The following TMC6 variants were observed in gnomAD, a reference collection of about 807,000 sequenced individuals.
TMC6 encodes the protein transmembrane channel-like protein 6.
In TMC6, 71 loss-of-function variants were observed where a neutral mutation model predicts 95.4. The ratio of observed to expected loss-of-function variants is 0.74; its 90% CI spans 0.61 to 0.91. The LOEUF is 0.91. TMC6 is among the 40% of genes least tolerant of loss of function. The pLI is 0.00. For missense variants in TMC6, 1,074 were observed against 1,079.1 expected, an observed-to-expected ratio of 1.00 and a Z score of 0.07; for synonymous variants, 514 against 483.1, an observed-to-expected ratio of 1.06 and a Z score of -0.84.
upstream of TMC6, chr17:78,131,703 C>A: frequency 6.3e-7 from 1 of 1,582,028 alleles, no homozygotes; most frequent in East Asian, 2.3e-5. Flanking sequence ...CGTGCGCGGG[C>A]TGCCCTATGC....
In TMC6 at chr17:78,117,880, A is replaced by G. The variant is rs745583859; in HGVS notation, c.1943T>C (p.Met648Thr). The G allele has an allele frequency of 1.2e-6, 2 of 1,607,380 alleles. No homozygotes were observed. Among genetic ancestry groups the G allele is most frequent in the Admixed American group, 3.4e-5 (2 of 59,086 alleles). Residue 648 changes from methionine (M) to threonine (T), a missense_variant, in exon 16 of 20, where the codon ATG becomes ACG. Physicochemically the swap from Met to Thr is moderately conservative, Grantham distance 81. Coordinates refer to ENST00000590602, the MANE Select transcript of TMC6 (RefSeq NM_001127198.5). ...APRRPWLASH[M>T]STVFLTLLCF... ...GAGCAGCGTGAGGAAGACGGTGCTC[A>G]TGTGTGAGGCCAGCCAGGGCCGGCG... is the stretch of plus-strand genomic sequence containing the variant.
rs1313257823 is a variant in TMC6 at position 78,128,714 on chromosome 17, G to A, written c.-177C>T. On this transcript the variant is annotated 5_prime_UTR_variant, in exon 1 of 20. Coordinates refer to ENST00000590602, the MANE Select transcript of TMC6 (RefSeq NM_001127198.5). This position sits in a 1 kb window ranked among gnomAD's most constrained non-coding sequence, Gnocchi z 4.0. ...GGTCTCGGCTCTCCTTGCCAAGGGA[G>A]TGGCAAAGGGCCCCAGGGGCGACTG... is the stretch of plus-strand genomic sequence containing the variant. The A allele has an allele frequency of 7.2e-6, 1 of 138,426 alleles. No individual in the cohort carries two copies. The highest frequency in any genetic ancestry group is 2.1e-4 in the East Asian group (1 of 4,826). The allele number at this position is 138,426 out of a possible 1,614,324, so 8.6% of individuals were successfully genotyped here.
Position 78,117,397 on chromosome 17 carries a change from G to T in TMC6, c.2199-50C>A, listed in dbSNP as rs781595672. On this transcript the variant is annotated intron_variant, in intron 17 of 19. Transcript: ENST00000590602. ...GGGCCCAGGGCCACAGCCCGGGAGC[G>T]GCCAGTCCCCACACGGTGCAGGCCC... is the stretch of plus-strand genomic sequence containing the variant. 5.0e-6 allele frequency: 8 copies of T among 1,612,172 alleles called. No homozygotes were observed. In the African/African-American group the frequency reaches 5.3e-5, roughly 11 times the overall value.
intron 18 of TMC6, among the ~76,000 whole-genome samples, chr17:78,115,466 C>G (rs543737473): frequency 6.6e-6 from 1 of 152,140 alleles, no homozygotes; most frequent in Non-Finnish European, 1.5e-5. Flanking sequence ...GGACGCAAGC[C>G]TGGAAAAGCC....
In TMC6 at chr17:78,122,345, G is replaced by C. The variant is rs534332165; in HGVS notation, c.1227+260C>G. Among the ~76,000 whole-genome samples, 2 of 152,024 alleles carry C rather than the reference G, an allele frequency of 1.3e-5. No individual in the cohort carries two copies. On this transcript the variant is annotated intron_variant, in intron 10 of 19. Transcript: ENST00000590602. The surrounding 1 kb of genome is among the most constrained non-coding windows in gnomAD (Gnocchi z 4.9). ...CTGAGGCCTCAGGGCTGGCTCCCGG[G>C]TGCCCACGGGGCCATGGCGCTACTA...
In TMC6 at chr17:78,112,653, G is replaced by A. The variant is rs548546832; in HGVS notation, c.*495C>T. The A allele has an allele frequency of 4.0e-4, 73 of 184,746 alleles. No individual in the cohort carries two copies. Among genetic ancestry groups the A allele is most frequent in the South Asian group, 1.1e-3 (11 of 10,054 alleles). The allele number at this position is 184,746 out of a possible 1,614,324, so 11.4% of individuals were successfully genotyped here. A position where few individuals can be genotyped will look rare whatever the true frequency, so the allele number is the denominator to read the frequency against. ...GCTACAGCATCACCCAATGGTTGAC[G>A]CATCGCTCTGGTCACAATCCGTGCC... is the stretch of plus-strand genomic sequence containing the variant. On this transcript the variant is annotated 3_prime_UTR_variant, in exon 20 of 20. Transcript: ENST00000590602.
At chr17:78,126,033 G>A (rs767913212) in intron 4 of TMC6, 149 bp from the exon 5 acceptor site, 46 of 1,254,544 alleles carry the variant, frequency 3.7e-5, no homozygotes, top group Non-Finnish European at 4.7e-5. Context: ...ACTGCATTCC[G>A]AAAGCCTATT....
chr17:78,131,545 C>T, upstream of TMC6: 1 of 1,537,318 alleles, frequency 6.5e-7, no homozygotes, highest in Non-Finnish European at 8.7e-7. Context: ...CATATCCCCC[C>T]CACCGGCAGC....
chr17:78,120,246 G>A (rs1157663691), intron 13 of TMC6: 4 of 350,796 alleles, frequency 1.1e-5, no homozygotes, highest in South Asian at 6.3e-5. Context: ...TACAACCTCC[G>A]CTTCCCAGGT....
Position 78,121,859 on chromosome 17 carries a change from C to G in TMC6, c.1228-148G>C. The G allele has an allele frequency of 9.3e-6, 10 of 1,072,510 alleles. No homozygotes were observed. The highest frequency in any genetic ancestry group is 1.3e-5 in the Non-Finnish European group (10 of 762,030). The allele number at this position is 1,072,510 out of a possible 1,614,324, so 66.4% of individuals were successfully genotyped here. On this transcript the variant is annotated intron_variant, in intron 10 of 19. Coordinates refer to ENST00000590602, the MANE Select transcript of TMC6 (RefSeq NM_001127198.5). This position sits in a 1 kb window ranked among gnomAD's most constrained non-coding sequence, Gnocchi z 5.6. ...GCCAGTTCCCCATGCCCCACCTGCC[C>G]TTTCATCTGCTGAGGGCCCTCCCTC...
chr17:78,117,134 A>G (rs898821899), intron 18 of TMC6, 135 bp downstream of exon 18: 30 of 888,248 alleles, frequency 3.4e-5, no homozygotes, highest in Non-Finnish European at 5.0e-5. Flanking sequence ...CGTATTGATC[A>G]GGGTCACTTG....
In TMC6 at chr17:78,125,930, C is replaced by G. The variant is rs549373135; in HGVS notation, c.272-46G>C. 33 of 1,549,000 alleles carry G rather than the reference C, an allele frequency of 2.1e-5. No individual in the cohort carries two copies. In the Middle Eastern group the frequency reaches 8.4e-4, roughly 40 times the overall value. ...GGCCGGGCCGGGCAGGGCCAGGCCT[C>G]CCTCCCCTCAGGATGGGCTCACCAC... On this transcript the variant is annotated intron_variant, in intron 4 of 19. Coordinates refer to ENST00000590602, the MANE Select transcript of TMC6 (RefSeq NM_001127198.5).
intron 9 of TMC6, among the ~76,000 whole-genome samples, chr17:78,123,749 T>G: frequency 9.9e-6 from 1 of 101,068 alleles, no homozygotes; most frequent in South Asian, 3.4e-4. Flanking sequence ...AATGGGTAAA[T>G]GGGTGGGTGA....
chr17:78,120,889 C>T (rs1030046325), intron 12 of TMC6, 57 bp from the exon 13 acceptor site: 4 of 1,610,804 alleles, frequency 2.5e-6, no homozygotes. Flanking sequence ...GAAGATGCAC[C>T]CCAGGGCCCC....
Position 78,122,091 on chromosome 17 carries a change from G to A in TMC6, c.1228-380C>T, listed in dbSNP as rs2074443096. Among the ~76,000 whole-genome samples the A allele has an allele frequency of 6.6e-6, 1 of 152,172 alleles. No homozygotes were observed. Among genetic ancestry groups the A allele is most frequent in the African/African-American group, 2.4e-5 (1 of 41,446 alleles). The stretch of plus-strand genomic sequence containing the variant: ...AGCCCCCCTACACGGAATGGCTCAT[G>A]ACAGGTCACAGCTCTGAGCTCCTTG... On this transcript the variant is annotated intron_variant, in intron 10 of 19. Coordinates refer to ENST00000590602, the MANE Select transcript of TMC6 (RefSeq NM_001127198.5). This position sits in a 1 kb window ranked among gnomAD's most constrained non-coding sequence, Gnocchi z 4.9.
chr17:78,122,408 G>A lies in TMC6; in HGVS notation c.1227+197C>T, dbSNP rs3818145. Among the ~76,000 whole-genome samples, 6,084 of 151,958 alleles carry A rather than the reference G, an allele frequency of 0.04. 317 individuals are homozygous for A. The highest frequency in any genetic ancestry group is 0.12 in the East Asian group (589 of 5,110). The stretch of plus-strand genomic sequence containing the variant: ...CAACAGAGGCAGCCCCTAACTGATG[G>A]GTGTGTGCCAGAGAAAAACTCAGGG... On this transcript the variant is annotated intron_variant, in intron 10 of 19. Coordinates refer to ENST00000590602, the MANE Select transcript of TMC6 (RefSeq NM_001127198.5). This position sits in a 1 kb window ranked among gnomAD's most constrained non-coding sequence, Gnocchi z 4.9.
In TMC6 at chr17:78,124,524, C is replaced by G; in HGVS notation, c.891G>C (p.Ala297=). 6.2e-7 allele frequency: 1 copy of G among 1,610,184 alleles called. No individual in the cohort carries two copies. Among genetic ancestry groups the G allele is most frequent in the South Asian group, 1.1e-5 (1 of 91,030 alleles). ...TCCCCCAGTCCTAGGGCTTCCTCACCGCGCCTGTGAGGAGCTCCAGGCCTG... is the reference window on the plus strand; with the variant it reads ...TCCCCCAGTCCTAGGGCTTCCTCACGGCGCCTGTGAGGAGCTCCAGGCCTG... The part of the protein sequence containing the change: ...VCTGLELLTG[A]GCFTHTVMYY... Residue 297 remains alanine (A), a splice_region_variant and synonymous_variant, in exon 8 of 20, where the codon GCG becomes GCC. Transcript: ENST00000590602.
In TMC6 at chr17:78,109,762, A is replaced by C; in HGVS notation, c.*3386T>G. ...CCTTGGCCCATTAGAATTACCTGAA[A>C]ATTTTTAAGATAATTCACATCCGGC... On this transcript the variant is annotated 3_prime_UTR_variant, in exon 20 of 20. Coordinates refer to ENST00000590602, the MANE Select transcript of TMC6 (RefSeq NM_001127198.5). 2.9e-6 allele frequency: 1 copy of C among 345,930 alleles called. No individual in the cohort carries two copies. The highest frequency in any genetic ancestry group is 5.8e-6 in the Non-Finnish European group (1 of 173,876). The allele number at this position is 345,930 out of a possible 1,614,324, so 21.4% of individuals were successfully genotyped here.
chr17:78,124,505 A>C lies in TMC6; in HGVS notation c.891+19T>G. 1.2e-6 allele frequency: 2 copies of C among 1,606,676 alleles called. No homozygotes were observed. Among genetic ancestry groups the C allele is most frequent in the Non-Finnish European group, 1.7e-6 (2 of 1,179,676 alleles). On this transcript the variant is annotated intron_variant, in intron 8 of 19. Coordinates refer to ENST00000590602, the MANE Select transcript of TMC6 (RefSeq NM_001127198.5). ...AGAAGACAGGCACCCCCCGTCCCCC[A>C]GTCCTAGGGCTTCCTCACCGCGCCT...
Sources: allele counts gnomAD v4.1 joint callset (sites outside exome capture counted in the v4.1 genomes callset), GRCh38; gene constraint gnomAD v4.1.1; non-coding constraint Gnocchi (gnomAD v3.1); transcripts MANE v1.5; gene names NCBI Gene and HGNC (gene_info 2026-07-23, HGNC 2026-07-21).